ADAP1: variants seen among roughly 807,000 people sequenced by gnomAD.
ADAP1 encodes the protein arf-GAP with dual PH domain-containing protein 1.
Under a neutral mutation model 54.9 loss-of-function variants are expected in ADAP1, and 31 were observed. The observed-to-expected ratio is 0.56, with a 90% CI of 0.42 to 0.76. ADAP1 has a LOEUF of 0.76. Among genes scored for constraint, ADAP1 ranks in the 30% least tolerant of loss-of-function variants. The probability of loss-of-function intolerance (pLI) is 0.00; values close to 1 mark genes in which losing one functional copy is unlikely to be tolerated. For synonymous variants in ADAP1, 313 were observed against 202.6 expected, an observed-to-expected ratio of 1.55 and a Z score of -4.63; for missense variants, 535 against 512.4, an observed-to-expected ratio of 1.04 and a Z score of -0.42.
At position 935,407 on chromosome 7, in the gene ADAP1, G is replaced by C; in HGVS notation, c.181C>G (p.Arg61Gly). The change falls in exon 2 of 11, where the codon CGC (arginine) becomes GGC (glycine). Residue 61 changes from arginine (R) to glycine (G), a missense_variant. Coordinates refer to ENST00000265846, the MANE Select transcript of ADAP1 (RefSeq NM_006869.4). ...TGGGCCTCCTCCCAGGCGTCCAGGC[G>C]GACGGACTTCACCTTGCTGACCTGG... ...IPQVSKVKSV[R>G]LDAWEEAQVE... 6.4e-7 allele frequency: 1 copy of C among 1,560,896 alleles called. No individual in the cohort carries two copies. The highest frequency in any genetic ancestry group is 1.2e-5 in the South Asian group (1 of 84,750).
At chr7:915,716 G>C (rs916528018) in intron 4 of ADAP1, among the ~76,000 whole-genome samples, 1 of 152,222 alleles carries the variant, frequency 6.6e-6, no homozygotes, top group South Asian at 2.1e-4. Flanking sequence ...GGGCAGCCTC[G>C]GGCCTGGGGC....
intron 6 of ADAP1, among the ~76,000 whole-genome samples, chr7:902,633 A>AAT (rs1046141156): frequency 6.6e-6 from 1 of 151,842 alleles, no homozygotes; most frequent in African/African-American, 2.4e-5. Context: ...TAAGAGCACC[A>AAT]ATAACAGGAG....
At chr7:901,945 C>G (rs1006679336) in intron 6 of ADAP1, among the ~76,000 whole-genome samples, 3 of 152,080 alleles carry the variant, frequency 2.0e-5, no homozygotes, top group African/African-American at 7.2e-5. Flanking sequence ...CCCTTTTCCC[C>G]CAGCAGGAGA....
At chr7:902,400 G>A (rs1000324256) in intron 6 of ADAP1, among the ~76,000 whole-genome samples, 1 of 96,456 alleles carries the variant, frequency 1.0e-5, no homozygotes, top group African/African-American at 4.0e-5. Context: ...AAAGGTTGCA[G>A]TGAGCCGAGA....
In ADAP1 at chr7:898,416, C is replaced by G. The variant is rs569659501; in HGVS notation, c.*505G>C. On this transcript the variant is annotated 3_prime_UTR_variant, in exon 11 of 11. Transcript: ENST00000265846. The stretch of plus-strand genomic sequence containing the variant: ...TGTGTGGATAATCCACCCAAACACC[C>G]CACGGCCCTCATAGCCCCGTGACAC... 2 of 203,792 alleles carry G rather than the reference C, an allele frequency of 9.8e-6. No homozygotes were observed. Among genetic ancestry groups the G allele is most frequent in the South Asian group, 1.7e-4 (2 of 11,642 alleles). The allele number at this position is 203,792 out of a possible 1,614,324, so 12.6% of individuals were successfully genotyped here. A position where few individuals can be genotyped will look rare whatever the true frequency, so the allele number is the denominator to read the frequency against.
chr7:905,711 G>C (rs1845203965), intron 4 of ADAP1: 1 of 69,330 alleles, frequency 1.4e-5, no homozygotes, highest in Non-Finnish European at 2.5e-5. Flanking sequence ...GGAGAAAGGA[G>C]AAAGGAGAAA....
rs1267576870 is a variant in ADAP1, at chr7:920,013, G to T, written c.343C>A (p.Arg115=). 6.2e-7 allele frequency: 1 copy of T among 1,607,654 alleles called. No individual in the cohort carries two copies. The part of the protein sequence containing the change: ...REQWIRAKYE[R]QEFIYPEKQE... ...TTCTCCGGGTAGATGAACTCCTGTC[G>T]CTCGTACTTGGCCCGGATCCACTGC... Residue 115 remains arginine (R), a synonymous_variant, in exon 4 of 11, where the codon CGA becomes AGA. Coordinates refer to ENST00000265846, the MANE Select transcript of ADAP1 (RefSeq NM_006869.4). The surrounding 1 kb of genome is among the most constrained non-coding windows in gnomAD (Gnocchi z 4.5).
chr7:916,418 A>T (rs1363423564), intron 4 of ADAP1, among the ~76,000 whole-genome samples: 2 of 152,202 alleles, frequency 1.3e-5, no homozygotes, highest in African/African-American at 2.4e-5. Context: ...GGGTTCTGAT[A>T]CAAGAACAGA....
At chr7:947,294 C>T (rs1056682756) in intron 1 of ADAP1, among the ~76,000 whole-genome samples, 5 of 146,192 alleles carry the variant, frequency 3.4e-5, no homozygotes, top group Admixed American at 7.0e-5. Flanking sequence ...TGGGCTCAAG[C>T]GATCCTCCCA....
Position 915,991 on chromosome 7 carries a change from C to T in ADAP1, c.388+3977G>A, listed in dbSNP as rs187581822. Among the ~76,000 whole-genome samples the T allele has an allele frequency of 1.4e-3, 219 of 152,344 alleles. 1 individual carries two copies. The highest frequency in any genetic ancestry group is 7.8e-3 in the Admixed American group (119 of 15,304). Reference sequence around the variant, plus strand: ...CCACTGCCCACGAGACACTGTCTGCCACCTGCACGCACCCCCACTTCTGGA... The same window carrying T: ...CCACTGCCCACGAGACACTGTCTGCTACCTGCACGCACCCCCACTTCTGGA... On this transcript the variant is annotated intron_variant, in intron 4 of 10. Coordinates refer to ENST00000265846, the MANE Select transcript of ADAP1 (RefSeq NM_006869.4).
chr7:935,616 C>T (rs1333074146), intron 1 of ADAP1, 111 bp from the exon 2 acceptor site: 10 of 1,359,388 alleles, frequency 7.4e-6, no homozygotes, highest in Admixed American at 2.3e-5. Context: ...GGGGCTTCAG[C>T]GGAGACCCCC....
At chr7:908,633 G>A (rs566916952) in intron 4 of ADAP1, among the ~76,000 whole-genome samples, 1 of 152,356 alleles carries the variant, frequency 6.6e-6, no homozygotes, top group South Asian at 2.1e-4. Context: ...GTGAGCCCCT[G>A]CCCAGGCACA....
At chr7:950,983 G>C (rs1269378353) in intron 1 of ADAP1, among the ~76,000 whole-genome samples, 3 of 152,070 alleles carry the variant, frequency 2.0e-5, no homozygotes, top group Non-Finnish European at 4.4e-5. Context: ...AAGATGAGGA[G>C]GTTCTGGAGA....
At chr7:951,842 C>A (rs1184857523) in intron 1 of ADAP1, among the ~76,000 whole-genome samples, 3 of 152,200 alleles carry the variant, frequency 2.0e-5, no homozygotes, top group Non-Finnish European at 4.4e-5. Context: ...GACAGGGTCT[C>A]ACTCTGGCCT....
At chr7:899,007 G>A (rs764547079) in intron 10 of ADAP1, 26 bp downstream of exon 10, 4 of 1,609,232 alleles carry the variant, frequency 2.5e-6, no homozygotes, top group Admixed American at 3.3e-5. Flanking sequence ...AGCCCTTCCA[G>A]GCCGCCGGCC....
intron 2 of ADAP1, among the ~76,000 whole-genome samples, chr7:927,919 A>C (rs1377930240): frequency 6.6e-6 from 1 of 152,066 alleles, no homozygotes; most frequent in Non-Finnish European, 1.5e-5. Flanking sequence ...AAAGTTGAAA[A>C]AATTAACAAG....
rs146341096 is a variant in ADAP1 at position 898,657 on chromosome 7, C to G, written c.*264G>C. Reference sequence around the variant, plus strand: ...CTGGGCCCTGGAGGAAAGGGGGCCCCGGGTCAGGGAGGGGCAGGTTGGCTG... The same window carrying G: ...CTGGGCCCTGGAGGAAAGGGGGCCCGGGGTCAGGGAGGGGCAGGTTGGCTG... On this transcript the variant is annotated 3_prime_UTR_variant, in exon 11 of 11. Coordinates refer to ENST00000265846, the MANE Select transcript of ADAP1 (RefSeq NM_006869.4). 1.8e-6 allele frequency: 1 copy of G among 542,996 alleles called. No homozygotes were observed. The highest frequency in any genetic ancestry group is 3.3e-6 in the Non-Finnish European group (1 of 301,312). The allele number at this position is 542,996 out of a possible 1,614,324, so 33.6% of individuals were successfully genotyped here. A position where few individuals can be genotyped will look rare whatever the true frequency, so the allele number is the denominator to read the frequency against.
At chr7:905,420 A>AGAAAGGGAAAGGAGAAAGGAGAAAGG (rs1845123869) in intron 4 of ADAP1, 1 of 88,974 alleles carries the variant, frequency 1.1e-5, no homozygotes, top group Non-Finnish European at 1.8e-5. Context: ...AGGGAGAAAG[A>AGAAAGGGAAAGGAGAAAGGAGAAAGG]GAAAGGAGAA....
intron 4 of ADAP1, chr7:905,764 A>AAAGGAGAAAGG (rs1467833552): frequency 2.1e-4 from 4 of 18,626 alleles, no homozygotes; most frequent in Admixed American, 6.7e-4. Context: ...GGGAGAAGGG[A>AAAGGAGAAAGG]GAAAGGAGAA....
Sources: gnomAD v4.1 joint callset for allele counts (sites outside exome capture counted in the v4.1 genomes callset) on GRCh38, gnomAD v4.1.1 for gene constraint, Gnocchi (gnomAD v3.1) non-coding constraint, MANE v1.5 for transcripts, NCBI Gene and HGNC (gene_info 2026-07-23, HGNC 2026-07-21) for gene names.